Variants in MALRD1 observed in about 807,000 individuals in gnomAD.
MALRD1 encodes the protein MAM and LDL receptor class A domain containing 1.
A neutral mutation model predicts 242.1 loss-of-function variants in MALRD1; 247 were observed. The observed-to-expected ratio is 1.02, with a 90% CI of 0.92 to 1.13. MALRD1 has a LOEUF of 1.13. Among genes scored for constraint, MALRD1 ranks in the 50% most tolerant of loss-of-function variants. MALRD1 has a pLI of 0.00. For synonymous variants in MALRD1, 995 were observed against 866.6 expected, an observed-to-expected ratio of 1.15 and a Z score of -2.60; for missense variants, 2,989 against 2,533.1, an observed-to-expected ratio of 1.18 and a Z score of -3.86.
At chr10:19,213,924 A>G (rs913734378) in intron 18 of MALRD1, among the ~76,000 whole-genome samples, 10 of 152,166 alleles carry the variant, frequency 6.6e-5, no homozygotes, top group African/African-American at 9.7e-5. Flanking sequence ...GTGAGGCAAG[A>G]TCCTTCTGGG....
chr10:19,574,282 G>A (rs1836697021), intron 33 of MALRD1, among the ~76,000 whole-genome samples: 1 of 152,194 alleles, frequency 6.6e-6, no homozygotes, highest in African/African-American at 2.4e-5. Context: ...GTTCAATGGT[G>A]TATTCTATAT....
chr10:19,352,566 G>A (rs1448858685), intron 26 of MALRD1, among the ~76,000 whole-genome samples: 1 of 152,100 alleles, frequency 6.6e-6, no homozygotes, highest in Non-Finnish European at 1.5e-5. Context: ...AATAAGAGAA[G>A]ACTCCTTTGT....
intron 32 of MALRD1, among the ~76,000 whole-genome samples, chr10:19,544,451 G>C (rs1421288193): frequency 1.3e-5 from 2 of 152,084 alleles, no homozygotes; most frequent in Admixed American, 6.6e-5. Flanking sequence ...GCCTCCCAAA[G>C]TGTTGGGATT....
At chr10:19,695,515 C>G (rs1300118818) in intron 38 of MALRD1, among the ~76,000 whole-genome samples, 1 of 106,302 alleles carries the variant, frequency 9.4e-6, no homozygotes, top group Non-Finnish European at 1.7e-5. Flanking sequence ...GCATGTTTTT[C>G]TTTCTTTTTT....
intron 34 of MALRD1, among the ~76,000 whole-genome samples, chr10:19,605,146 T>C (rs977678961): frequency 4.4e-5 from 6 of 137,876 alleles, no homozygotes; most frequent in Non-Finnish European, 9.2e-5. Context: ...TACAGATTTA[T>C]TTATTTTTTT....
intron 33 of MALRD1, among the ~76,000 whole-genome samples, chr10:19,574,499 C>G (rs914965891): frequency 2.0e-5 from 3 of 152,124 alleles, no homozygotes; most frequent in African/African-American, 7.2e-5. Flanking sequence ...AGATCGCGAA[C>G]AAGAGACAGG....
chr10:19,656,833 C>T (rs1301790673), intron 36 of MALRD1, among the ~76,000 whole-genome samples: 2 of 152,104 alleles, frequency 1.3e-5, no homozygotes, highest in Non-Finnish European at 1.5e-5. Context: ...GGACTCTTTT[C>T]ATTATGACAC....
chr10:19,430,835 A>G (rs1834099677), intron 28 of MALRD1, among the ~76,000 whole-genome samples: 1 of 152,208 alleles, frequency 6.6e-6, no homozygotes, highest in South Asian at 2.1e-4. Flanking sequence ...GAATTTGTGT[A>G]AAACAAGCAT....
intron 33 of MALRD1, among the ~76,000 whole-genome samples, chr10:19,569,988 TA>T (rs1836445007): frequency 6.6e-6 from 1 of 151,798 alleles, no homozygotes; most frequent in South Asian, 2.1e-4. Context: ...AATAACATAC[TA>T]ACAATGAAAA....
At chr10:19,312,109 A>C (rs187293915) in intron 21 of MALRD1, among the ~76,000 whole-genome samples, 105 of 151,470 alleles carry the variant, frequency 6.9e-4, no homozygotes, top group Middle Eastern at 6.8e-3. Context: ...TCATCTTAAC[A>C]AAGTACATAT....
chr10:19,551,904 G>A (rs1835487451), intron 32 of MALRD1, among the ~76,000 whole-genome samples: 1 of 152,092 alleles, frequency 6.6e-6, no homozygotes, highest in African/African-American at 2.4e-5. Context: ...ATTGATTTCT[G>A]TATGTTGAAC....
intron 5 of MALRD1, among the ~76,000 whole-genome samples, chr10:19,110,802 G>T (rs540223248): frequency 6.6e-6 from 1 of 151,914 alleles, no homozygotes; most frequent in Admixed American, 6.6e-5. Flanking sequence ...CAGAGGTCAG[G>T]GTCTGGCAAA....
intron 21 of MALRD1, among the ~76,000 whole-genome samples, chr10:19,307,910 A>G (rs1206617505): frequency 6.6e-6 from 1 of 151,526 alleles, no homozygotes; most frequent in Non-Finnish European, 1.5e-5. Context: ...TTGTGGGTCC[A>G]TAGTAGGTGT....
At chr10:19,422,407 GA>G (rs1238103348) in intron 28 of MALRD1, among the ~76,000 whole-genome samples, 1 of 152,140 alleles carries the variant, frequency 6.6e-6, no homozygotes, top group Non-Finnish European at 1.5e-5. Context: ...GAAAAACATA[GA>G]GTAACCAGAA....
chr10:19,552,185 C>T (rs568488659), intron 32 of MALRD1, among the ~76,000 whole-genome samples: 1 of 152,154 alleles, frequency 6.6e-6, no homozygotes, highest in African/African-American at 2.4e-5. Flanking sequence ...ATTCTTTGTA[C>T]ATCTGGTAAA....
chr10:19,200,364 G>T (rs566862056), intron 14 of MALRD1, among the ~76,000 whole-genome samples: 49 of 152,178 alleles, frequency 3.2e-4, no homozygotes, highest in Admixed American at 5.9e-4. Context: ...CTCAACATGT[G>T]CATCTTGCCT....
At chr10:19,362,915 G>A (rs546657216) in intron 26 of MALRD1, among the ~76,000 whole-genome samples, 4 of 152,114 alleles carry the variant, frequency 2.6e-5, no homozygotes, top group African/African-American at 7.2e-5. Flanking sequence ...CTAGATGTGA[G>A]GTGAGAGGTA....
At chr10:19,383,491 G>A (rs948879903) in intron 26 of MALRD1, among the ~76,000 whole-genome samples, 2 of 151,950 alleles carry the variant, frequency 1.3e-5, no homozygotes, top group Non-Finnish European at 2.9e-5. Flanking sequence ...TGCTATTCTG[G>A]ATAGTGCTGT....
At chr10:19,298,581 G>A (rs1241639455) in intron 21 of MALRD1, among the ~76,000 whole-genome samples, 8 of 152,102 alleles carry the variant, frequency 5.3e-5, no homozygotes, top group South Asian at 2.1e-4. Flanking sequence ...AATGGGTAAC[G>A]TCACGACTGA....
Sources: allele counts gnomAD v4.1 joint callset (sites outside exome capture counted in the v4.1 genomes callset), GRCh38; gene constraint gnomAD v4.1.1; transcripts MANE v1.5; gene names NCBI Gene and HGNC (gene_info 2026-07-23, HGNC 2026-07-21).